Variants in PODN observed in about 807,000 individuals in gnomAD.
PODN encodes podocan, also known as podocan proteoglycan.
A neutral mutation model predicts 52.7 loss-of-function variants in PODN; 40 were observed. The ratio of observed to expected loss-of-function variants is 0.76; its 90% confidence interval spans 0.59 to 0.99. PODN has a LOEUF of 0.99. Ranked by LOEUF, PODN falls within the 50% of genes least tolerant of loss-of-function variation. The probability of loss-of-function intolerance (pLI) is 0.00; values close to 1 mark genes in which losing one functional copy is unlikely to be tolerated. For missense variants in PODN, 720 were observed against 815.1 expected (o/e 0.88, Z 1.42); for synonymous variants, 396 against 377.9 (o/e 1.05, Z -0.56).
chr1:53,084,069 G>A (rs1053567036), intron 10 of PODN, among the ~76,000 whole-genome samples: 3 of 152,116 alleles, frequency 2.0e-5, no homozygotes, highest in Non-Finnish European at 4.4e-5. Context: ...GTATCCGCAA[G>A]TGTGGAGGGG....
chr1:53,071,568 C>A lies in PODN; in HGVS notation c.346C>A (p.Leu116Ile). The A allele has an allele frequency of 6.2e-7, 1 of 1,614,036 alleles. No homozygotes were observed. The highest frequency in any genetic ancestry group is 8.5e-7 in the Non-Finnish European group (1 of 1,179,998). Residue 116 changes from leucine (L) to isoleucine (I), a missense_variant, in exon 3 of 11, where the codon CTC becomes ATC. Coordinates refer to ENST00000312553, the MANE Select transcript of PODN (RefSeq NM_153703.5). ...NQLEKIYPEE[L>I]SRLHRLETLN... ...GCTGGAAAAGATCTACCCTGAGGAG[C>A]TCTCCCGGCTGCACCGGCTGGAGAC...
chr1:53,077,913 C>T, intron 7 of PODN, 113 bp downstream of exon 7: 1 of 781,708 alleles, frequency 1.3e-6, no homozygotes, highest in Non-Finnish European at 2.1e-6. Flanking sequence ...GCCCACCTTC[C>T]CTGGAGAAGG....
chr1:53,067,457 GC>G (rs1644049984), intron 1 of PODN, among the ~76,000 whole-genome samples: 1 of 152,074 alleles, frequency 6.6e-6, no homozygotes, highest in Non-Finnish European at 1.5e-5. Flanking sequence ...CCCAGTACAG[GC>G]CCAGGCACAA....
intron 8 of PODN, among the ~76,000 whole-genome samples, chr1:53,079,802 C>G (rs1572276597): frequency 6.6e-6 from 1 of 151,742 alleles, no homozygotes; most frequent in East Asian, 1.9e-4. Flanking sequence ...TGAGGCTTGC[C>G]CGGGCAACAT....
At chr1:53,081,026 C>T in intron 9 of PODN, 150 bp downstream of exon 9, 2 of 1,087,200 alleles carry the variant, frequency 1.8e-6, no homozygotes, top group South Asian at 1.7e-5. Flanking sequence ...CCTGGCCAGG[C>T]CCGATATGGT....
rs373582762 is a variant in PODN at position 53,070,105 on chromosome 1, G to C, written c.250G>C (p.Gly84Arg). The C allele has an allele frequency of 6.2e-7, 1 of 1,612,514 alleles. No homozygotes were observed. Among genetic ancestry groups the C allele is most frequent in the Non-Finnish European group, 8.5e-7 (1 of 1,179,988 alleles). ...CSQEGVVDCG[G>R]IDLREFPGDL... ...CCAGGAGGGCGTCGTGGACTGTGGC[G>C]GTATTGACCTGCGTGAGTTCCCGGG... Residue 84 changes from glycine to arginine, a missense_variant, in exon 2 of 11, where the codon GGT becomes CGT. By Grantham distance (125) the Gly-to-Arg change is moderately radical. Transcript: ENST00000312553.
intron 1 of PODN, among the ~76,000 whole-genome samples, chr1:53,064,836 C>G (rs11584652): frequency 0.014 from 2,115 of 152,298 alleles, 29 homozygotes; most frequent in Non-Finnish European, 0.017. Flanking sequence ...AGTGGCTCAT[C>G]CAGGCTTACA....
chr1:53,083,954 G>A (rs923329764), intron 10 of PODN, among the ~76,000 whole-genome samples: 4 of 152,184 alleles, frequency 2.6e-5, no homozygotes, highest in African/African-American at 4.8e-5. Context: ...GGCCTGGGAC[G>A]AAGAGGAACC....
chr1:53,066,193 C>T (rs1429429276), intron 1 of PODN, among the ~76,000 whole-genome samples: 7 of 151,836 alleles, frequency 4.6e-5, no homozygotes, highest in African/African-American at 1.5e-4. Context: ...GACGAAGTTT[C>T]GCCATCTTGC....
intron 8 of PODN, 22 bp from the exon 9 acceptor site, chr1:53,080,706 A>C: frequency 1.9e-6 from 3 of 1,610,402 alleles, no homozygotes; most frequent in Non-Finnish European, 2.5e-6. Context: ...GGAGTCCCTG[A>C]CTCCCTTGGT....
At chr1:53,064,348 G>A (rs1644003327) in intron 1 of PODN, among the ~76,000 whole-genome samples, 1 of 152,254 alleles carries the variant, frequency 6.6e-6, no homozygotes, top group Admixed American at 6.5e-5. Context: ...TCCCTGAGCA[G>A]GGGCATTTCA....
Position 53,070,113 on chromosome 1 carries a change from C to A in PODN, c.258C>A (p.Asp86Glu). The A allele has an allele frequency of 6.2e-7, 1 of 1,612,414 alleles. No homozygotes were observed. Among genetic ancestry groups the A allele is most frequent in the Non-Finnish European group, 8.5e-7 (1 of 1,179,990 alleles). Residue 86 changes from aspartate to glutamate, a missense_variant, in exon 2 of 11, where the codon GAC (aspartate) becomes GAA (glutamate). Transcript: ENST00000312553. The part of the protein sequence containing the change: ...QEGVVDCGGI[D>E]LREFPGDLPE... The stretch of plus-strand genomic sequence containing the variant: ...GCGTCGTGGACTGTGGCGGTATTGA[C>A]CTGCGTGAGTTCCCGGGGGACCTGC...
In PODN at chr1:53,071,550, A is replaced by C; in HGVS notation, c.328A>C (p.Lys110Gln). 6.2e-7 allele frequency: 1 copy of C among 1,613,336 alleles called. No individual in the cohort carries two copies. ...HLSLQNNQLE[K>Q]IYPEELSRLH... The stretch of plus-strand genomic sequence containing the variant: ...ACCCCCCTAGAACAACCAGCTGGAA[A>C]AGATCTACCCTGAGGAGCTCTCCCG... Residue 110 changes from lysine to glutamine, a missense_variant, in exon 3 of 11, where the codon AAG (lysine) becomes CAG (glutamine). By Grantham distance (53) the Lys-to-Gln change is moderately conservative (BLOSUM62 1). Transcript: ENST00000312553.
intron 3 of PODN, among the ~76,000 whole-genome samples, chr1:53,072,607 C>G (rs1000966815): frequency 6.6e-6 from 1 of 152,210 alleles, no homozygotes; most frequent in Non-Finnish European, 1.5e-5. Flanking sequence ...CCTTGTGTCT[C>G]CAACCCTTTC....
chr1:53,072,560 G>T (rs571931987), intron 3 of PODN, among the ~76,000 whole-genome samples: 3 of 152,070 alleles, frequency 2.0e-5, no homozygotes, highest in African/African-American at 7.2e-5. Flanking sequence ...CTGGGAGTAC[G>T]TCAGGGTTGG....
At chr1:53,062,389 C>T in intron 1 of PODN, 81 bp downstream of exon 1, 2 of 1,058,480 alleles carry the variant, frequency 1.9e-6, no homozygotes, top group Non-Finnish European at 1.2e-6. Context: ...CCCGCCTCTC[C>T]GGATGGCTCC....
intron 9 of PODN, among the ~76,000 whole-genome samples, chr1:53,081,738 G>C (rs1006743839): frequency 1.3e-5 from 2 of 152,214 alleles, no homozygotes; most frequent in African/African-American, 4.8e-5. Context: ...TGTGCGCAGA[G>C]AGAGACCCCT....
At chr1:53,073,692 A>AT (rs1165716301) in intron 3 of PODN, 1 of 152,348 alleles carries the variant, frequency 6.6e-6, no homozygotes, top group South Asian at 2.1e-4. Flanking sequence ...ATTTCTCATA[A>AT]TTTTGCCACT....
intron 1 of PODN, among the ~76,000 whole-genome samples, chr1:53,064,929 G>T (rs1008101071): frequency 6.6e-6 from 1 of 152,160 alleles, no homozygotes; most frequent in African/African-American, 2.4e-5. Context: ...GAGCTTCCCC[G>T]CTGTCCAGGG....
Sources: allele counts gnomAD v4.1 joint callset (sites outside exome capture counted in the v4.1 genomes callset), GRCh38; gene constraint gnomAD v4.1.1; transcripts MANE v1.5; gene names NCBI Gene and HGNC (gene_info 2026-07-23, HGNC 2026-07-21).